SOCS6: variants seen among roughly 807,000 people sequenced by gnomAD.
SOCS6 encodes the protein suppressor of cytokine signaling 6.
Under a neutral mutation model 27.7 loss-of-function variants are expected in SOCS6, and 5 were observed. That is an observed-to-expected ratio of 0.18 (90% CI 0.09 to 0.38). The LOEUF (loss-of-function observed/expected upper bound fraction) is 0.38, where lower values mean the gene tolerates loss of function less well. Ranked by LOEUF, SOCS6 falls within the 10% of genes least tolerant of loss-of-function variation. SOCS6 has a pLI of 1.00. For synonymous variants in SOCS6, 271 were observed against 260.0 expected, an observed-to-expected ratio of 1.04 and a Z score of -0.41; for missense variants, 595 against 688.1, an observed-to-expected ratio of 0.86 and a Z score of 1.51.
In SOCS6 at chr18:70,327,356, A is replaced by G. The variant is rs992510191; in HGVS notation, c.*1080A>G. 1.8e-5 allele frequency: 3 copies of G among 166,826 alleles called. No homozygotes were observed. Among genetic ancestry groups the G allele is most frequent in the Non-Finnish European group, 2.9e-5 (2 of 68,096 alleles). The allele number at this position is 166,826 out of a possible 1,614,324, so 10.3% of individuals were successfully genotyped here. A position where few individuals can be genotyped will look rare whatever the true frequency, so the allele number is the denominator to read the frequency against. On this transcript the variant is annotated 3_prime_UTR_variant, in exon 2 of 2. Coordinates refer to ENST00000397942, the MANE Select transcript of SOCS6 (RefSeq NM_004232.4). ...TATTTTTCTTCTATGTAGTTACTATAAAAGTGTGCTGGATTTGACCAATCC... is the reference window on the plus strand; with the variant it reads ...TATTTTTCTTCTATGTAGTTACTATGAAAGTGTGCTGGATTTGACCAATCC...
intron 1 of SOCS6, among the ~76,000 whole-genome samples, chr18:70,298,930 G>C (rs944786647): frequency 2.0e-5 from 3 of 152,098 alleles, no homozygotes; most frequent in Non-Finnish European, 4.4e-5. Flanking sequence ...TTCGAGACCA[G>C]CCTGACCAAC....
At chr18:70,307,814 T>C (rs770644472) in intron 1 of SOCS6, among the ~76,000 whole-genome samples, 24 of 152,172 alleles carry the variant, frequency 1.6e-4, no homozygotes, top group Non-Finnish European at 1.3e-4. Flanking sequence ...TTATTTGTTT[T>C]TTCCCTCTTG....
At chr18:70,312,131 A>C (rs117494151) in intron 1 of SOCS6, among the ~76,000 whole-genome samples, 3,887 of 152,312 alleles carry the variant, frequency 0.026, 89 homozygotes, top group South Asian at 0.078. Context: ...ATGGGTGCTG[A>C]TATGTCTAAG....
chr18:70,328,107 A>G lies in SOCS6; in HGVS notation c.*1831A>G, dbSNP rs1911279705. 1 of 166,760 alleles carries G rather than the reference A, an allele frequency of 6.0e-6. No homozygotes were observed. Among genetic ancestry groups the G allele is most frequent in the East Asian group, 1.9e-4 (1 of 5,204 alleles). 10.3% of individuals were successfully genotyped at this position (166,760 alleles called of 1,614,324 possible). A position where few individuals can be genotyped will look rare whatever the true frequency, so the allele number is the denominator to read the frequency against. ...ATGGAATATGGAGTATACTGTAATA[A>G]TATAAGTGTTCATTATAAGCTATTT... On this transcript the variant is annotated 3_prime_UTR_variant, in exon 2 of 2. Coordinates refer to ENST00000397942, the MANE Select transcript of SOCS6 (RefSeq NM_004232.4).
intron 1 of SOCS6, among the ~76,000 whole-genome samples, chr18:70,295,440 A>G (rs559413557): frequency 6.6e-6 from 1 of 152,320 alleles, no homozygotes; most frequent in East Asian, 1.9e-4. Context: ...TCTTACTGGT[A>G]GATTTTTACT....
At chr18:70,302,072 G>A (rs2062350512) in intron 1 of SOCS6, among the ~76,000 whole-genome samples, 1 of 152,148 alleles carries the variant, frequency 6.6e-6, no homozygotes. Context: ...AGGAAGGTGG[G>A]GTCCCCACAA....
At chr18:70,323,300 C>A (rs952030145) in intron 1 of SOCS6, among the ~76,000 whole-genome samples, 8 of 152,026 alleles carry the variant, frequency 5.3e-5, no homozygotes, top group Non-Finnish European at 1.0e-4. Context: ...AAACACAGGG[C>A]CTTTGTAAAG....
At chr18:70,298,342 A>G (rs2062333161) in intron 1 of SOCS6, among the ~76,000 whole-genome samples, 1 of 152,186 alleles carries the variant, frequency 6.6e-6, no homozygotes, top group South Asian at 2.1e-4. Context: ...GGAATTTGCT[A>G]TATTTTTAGT....
Position 70,325,146 on chromosome 18 carries a change from C to T in SOCS6, c.478C>T (p.His160Tyr). The T allele has an allele frequency of 6.2e-7, 1 of 1,614,172 alleles. No homozygotes were observed. The highest frequency in any genetic ancestry group is 8.5e-7 in the Non-Finnish European group (1 of 1,180,040). The change falls in exon 2 of 2, where the codon CAC becomes TAC. Residue 160 changes from histidine (H) to tyrosine (Y), a missense_variant. Physicochemically the swap from His to Tyr is moderately conservative, Grantham distance 83 (BLOSUM62 2). Coordinates refer to ENST00000397942, the MANE Select transcript of SOCS6 (RefSeq NM_004232.4). This position sits in a 1 kb window ranked among gnomAD's most constrained non-coding sequence, Gnocchi z 6.3. ...GGAGGTGAGAGTCAAGGCCTTGGTT[C>T]ACTCTTCCAGCCCGAGTCCAGCCCT... ...KMEVRVKALV[H>Y]SSSPSPALNG... is the part of the protein sequence containing the mutation.
At chr18:70,302,836 C>T (rs563928367) in intron 1 of SOCS6, among the ~76,000 whole-genome samples, 6 of 152,152 alleles carry the variant, frequency 3.9e-5, no homozygotes, top group African/African-American at 1.4e-4. Context: ...AGGAGGCTGT[C>T]TAGGTTCTAC....
At chr18:70,322,500 G>A (rs940015151) in intron 1 of SOCS6, among the ~76,000 whole-genome samples, 6 of 152,116 alleles carry the variant, frequency 3.9e-5, no homozygotes, top group African/African-American at 1.2e-4. Context: ...CTAGTCTCTC[G>A]TGTTTTGGGG....
chr18:70,295,994 T>G (rs1314110069), intron 1 of SOCS6, among the ~76,000 whole-genome samples: 1 of 152,134 alleles, frequency 6.6e-6, no homozygotes, highest in East Asian at 1.9e-4. Flanking sequence ...TGACGTGTGT[T>G]TGATTGGAGA....
At chr18:70,302,569 G>A (rs918081243) in intron 1 of SOCS6, among the ~76,000 whole-genome samples, 3 of 152,088 alleles carry the variant, frequency 2.0e-5, no homozygotes, top group Non-Finnish European at 4.4e-5. Context: ...TACTAATATG[G>A]TTTTACCAAG....
chr18:70,299,218 G>A (rs2062337557), intron 1 of SOCS6, among the ~76,000 whole-genome samples: 1 of 152,192 alleles, frequency 6.6e-6, no homozygotes, highest in East Asian at 1.9e-4. Context: ...TGAGTCCCAT[G>A]AGACTGCCCC....
At chr18:70,308,504 G>C (rs2062378182) in intron 1 of SOCS6, among the ~76,000 whole-genome samples, 2 of 152,244 alleles carry the variant, frequency 1.3e-5, no homozygotes, top group African/African-American at 4.8e-5. Flanking sequence ...TTACAGGTGT[G>C]AGTCACCACA....
intron 1 of SOCS6, among the ~76,000 whole-genome samples, chr18:70,307,614 T>G (rs1483839042): frequency 2.0e-5 from 3 of 152,188 alleles, no homozygotes; most frequent in Non-Finnish European, 4.4e-5. Flanking sequence ...TCTCTTAAGT[T>G]TTCTAATTTG....
At chr18:70,293,364 ACTGCCTG>A (rs2146258238) in intron 1 of SOCS6, among the ~76,000 whole-genome samples, 1 of 152,282 alleles carries the variant, frequency 6.6e-6, no homozygotes, top group East Asian at 1.9e-4. Context: ...GACAACTGTC[ACTGCCTG>A]TAGAGCTATG....
intron 1 of SOCS6, among the ~76,000 whole-genome samples, chr18:70,323,349 AT>A: frequency 6.6e-6 from 1 of 152,296 alleles, no homozygotes; most frequent in South Asian, 2.1e-4. Flanking sequence ...TGGAACCAAG[AT>A]TTTTTGCTGT....
chr18:70,324,835 T>C lies in SOCS6; in HGVS notation c.167T>C (p.Ile56Thr), dbSNP rs1213403804. The part of the protein sequence containing the change: ...CYGKDMASCD[I>T]NGEDEKGGKN... Reference sequence around the variant, plus strand: ...GGTAAAGATATGGCCAGCTGCGATATCAACGGTGAAGATGAAAAAGGCGGA... The same window carrying C: ...GGTAAAGATATGGCCAGCTGCGATACCAACGGTGAAGATGAAAAAGGCGGA... Residue 56 changes from isoleucine to threonine, a missense_variant, in exon 2 of 2, where the codon ATC becomes ACC. Coordinates refer to ENST00000397942, the MANE Select transcript of SOCS6 (RefSeq NM_004232.4). 2 of 1,614,112 alleles carry C rather than the reference T, an allele frequency of 1.2e-6. No homozygotes were observed. Among genetic ancestry groups the C allele is most frequent in the South Asian group, 1.1e-5 (1 of 91,078 alleles).
Sources: gnomAD v4.1 joint callset for allele counts (sites outside exome capture counted in the v4.1 genomes callset) on GRCh38, gnomAD v4.1.1 for gene constraint, Gnocchi (gnomAD v3.1) non-coding constraint, MANE v1.5 for transcripts, NCBI Gene and HGNC (gene_info 2026-07-23, HGNC 2026-07-21) for gene names.